The following CCDC178 variants were observed in gnomAD, a reference collection of about 807,000 sequenced individuals.
CCDC178 encodes coiled-coil domain-containing protein 178.
In CCDC178, 126 loss-of-function variants were observed where a neutral mutation model predicts 117.4. The observed-to-expected ratio is 1.07, with a 90% CI of 0.93 to 1.24. The LOEUF (loss-of-function observed/expected upper bound fraction) is 1.24, where lower values mean the gene tolerates loss of function less well. Among genes scored for constraint, CCDC178 ranks in the 50% most tolerant of loss-of-function variants. The pLI, the probability that CCDC178 is intolerant of heterozygous loss-of-function variation, is 0.00. For missense variants in CCDC178, 1,030 were observed against 986.9 expected (o/e 1.04, Z -0.59); for synonymous variants, 283 against 313.4 (o/e 0.90, Z 1.02).
At position 33,328,082 on chromosome 18, in the gene CCDC178, G is replaced by GTTT. The variant is rs2062609334; in HGVS notation, c.880-4450_880-4449insAAA. On this transcript the variant is annotated intron_variant, in intron 10 of 22. Transcript: ENST00000383096. ...CCAAGGTCATAAAGATTTATCCCTAGATTTTTTTTTTTTTTTTTTTTTTTT... is the reference window on the plus strand; with the variant it reads ...CCAAGGTCATAAAGATTTATCCCTAGTTTATTTTTTTTTTTTTTTTTTTTTTTT... The GTTT allele has an allele frequency of 2.4e-4, 61 of 249,130 alleles. 12 individuals carry two copies. The highest frequency in any genetic ancestry group is 1.9e-3 in the African/African-American group (57 of 30,468). The allele number at this position is 249,130 out of a possible 1,614,324, so 15.4% of individuals were successfully genotyped here. A position where few individuals can be genotyped will look rare whatever the true frequency, so the allele number is the denominator to read the frequency against.
intron 8 of CCDC178, among the ~76,000 whole-genome samples, chr18:33,347,865 TTTC>T (rs1267380288): frequency 1.3e-5 from 2 of 152,012 alleles, no homozygotes; most frequent in African/African-American, 4.8e-5. Context: ...CTCATTTTTT[TTTC>T]TTGAGTGCCA....
intron 21 of CCDC178, among the ~76,000 whole-genome samples, chr18:33,029,637 T>C (rs1598805581): frequency 6.6e-6 from 1 of 152,136 alleles, no homozygotes; most frequent in East Asian, 1.9e-4. Context: ...TTTACAGCTA[T>C]AAATTTTGCT....
chr18:33,005,509 A>C (rs2055728468), intron 21 of CCDC178, among the ~76,000 whole-genome samples: 1 of 152,114 alleles, frequency 6.6e-6, no homozygotes, highest in African/African-American at 2.4e-5. Context: ...TGGGTATAAA[A>C]ATATAGTTAG....
At chr18:33,170,606 GA>G (rs2058586696) in intron 20 of CCDC178, among the ~76,000 whole-genome samples, 1 of 151,794 alleles carries the variant, frequency 6.6e-6, no homozygotes, top group African/African-American at 2.4e-5. Context: ...TTGGTTAATA[GA>G]AAAATAATGA....
chr18:32,988,564 A>G (rs1190325299), intron 21 of CCDC178, among the ~76,000 whole-genome samples: 1 of 152,178 alleles, frequency 6.6e-6, no homozygotes, highest in African/African-American at 2.4e-5. Flanking sequence ...ATATTAGAAA[A>G]GACAAAATGT....
intron 21 of CCDC178, among the ~76,000 whole-genome samples, chr18:33,046,728 G>T (rs2056649851): frequency 6.6e-6 from 1 of 152,142 alleles, no homozygotes; most frequent in Non-Finnish European, 1.5e-5. Flanking sequence ...CTGCTCTCCA[G>T]CCTCCTTGAG....
chr18:33,205,546 A>T (rs1285807115), intron 20 of CCDC178, among the ~76,000 whole-genome samples: 6 of 152,228 alleles, frequency 3.9e-5, no homozygotes, highest in Non-Finnish European at 8.8e-5. Context: ...ACAAGTAGGA[A>T]ATTCAACACA....
intron 22 of CCDC178, among the ~76,000 whole-genome samples, chr18:32,945,556 T>C (rs2054326145): frequency 6.6e-6 from 1 of 152,178 alleles, no homozygotes; most frequent in African/African-American, 2.4e-5. Context: ...AACTAAGGTG[T>C]TTCAGCTCAA....
chr18:33,051,156 T>A (rs1819961264), intron 21 of CCDC178, among the ~76,000 whole-genome samples: 1 of 152,022 alleles, frequency 6.6e-6, no homozygotes, highest in African/African-American at 2.4e-5. Flanking sequence ...CAGGTGATCC[T>A]CCTGCCTCGG....
intron 20 of CCDC178, among the ~76,000 whole-genome samples, chr18:33,121,316 A>G (rs886956731): frequency 6.6e-6 from 1 of 152,168 alleles, no homozygotes; most frequent in Non-Finnish European, 1.5e-5. Context: ...CAATAGCTTC[A>G]GCTTGTGCCC....
intron 22 of CCDC178, among the ~76,000 whole-genome samples, chr18:32,959,046 T>TA (rs1355499690): frequency 3.9e-5 from 6 of 152,154 alleles, no homozygotes; most frequent in African/African-American, 1.4e-4. Flanking sequence ...AGAGGTTTGT[T>TA]ACAATTATCA....
chr18:33,091,702 G>A (rs1444573253), intron 21 of CCDC178, among the ~76,000 whole-genome samples: 1 of 152,108 alleles, frequency 6.6e-6, no homozygotes, highest in Non-Finnish European at 1.5e-5. Flanking sequence ...TAACTCTCAT[G>A]AGAGTAGACG....
Position 33,117,529 on chromosome 18 carries a change from T to C in CCDC178, c.2239-24619A>G, listed in dbSNP as rs149357360. 3.4e-3 allele frequency among the ~76,000 whole-genome samples: 518 copies of C among 151,962 alleles called. 6 individuals carry two copies. The highest frequency in any genetic ancestry group is 0.012 in the African/African-American group (482 of 41,460). On this transcript the variant is annotated intron_variant, in intron 20 of 22. Coordinates refer to ENST00000383096, the MANE Select transcript of CCDC178 (RefSeq NM_001105528.4). ...TGATTACACTAAACTGCTTCGTTTA[T>C]TGGACACAGGAAGGGGAACATCACA...
chr18:33,088,120 T>C (rs966779598), intron 21 of CCDC178, among the ~76,000 whole-genome samples: 3 of 152,184 alleles, frequency 2.0e-5, no homozygotes, highest in Middle Eastern at 3.4e-3. Context: ...AAGAATCTCC[T>C]GGACTCGAGA....
chr18:33,371,782 T>TACACACACACACAC (rs769582307), intron 5 of CCDC178, among the ~76,000 whole-genome samples: 15 of 53,562 alleles, frequency 2.8e-4, no homozygotes, highest in African/African-American at 7.6e-4. Context: ...CATAAACATA[T>TACACACACACACAC]ATACACACAC....
At chr18:32,982,969 G>GATGATGTGTCA (rs2055182431) in intron 21 of CCDC178, among the ~76,000 whole-genome samples, 1 of 152,000 alleles carries the variant, frequency 6.6e-6, no homozygotes. Context: ...TTGGAGTGAT[G>GATGATGTGTCA]ATGATGTGTC....
chr18:33,021,849 G>GTATCCTTTATATTTTT (rs2056126096), intron 21 of CCDC178, among the ~76,000 whole-genome samples: 1 of 152,006 alleles, frequency 6.6e-6, no homozygotes, highest in Admixed American at 6.6e-5. Flanking sequence ...GCCTCTTAGT[G>GTATCCTTTATATTTTT]GTGGCTTCCT....
At position 33,085,014 on chromosome 18, in the gene CCDC178, T is replaced by C. The variant is rs184398217; in HGVS notation, c.2388+7747A>G. On this transcript the variant is annotated intron_variant, in intron 21 of 22. Transcript: ENST00000383096. ...TTAGGGCCTCTGCATGTTTTTCTAA[T>C]GGATTATCATAATGTCTCTACTACT... Among the ~76,000 whole-genome samples, 18 of 152,242 alleles carry C rather than the reference T, an allele frequency of 1.2e-4. No homozygotes were observed. The East Asian group carries it at 3.5e-3, about 29-fold the overall frequency.
At chr18:33,120,807 A>G (rs1258862639) in intron 20 of CCDC178, among the ~76,000 whole-genome samples, 4 of 152,158 alleles carry the variant, frequency 2.6e-5, no homozygotes, top group Non-Finnish European at 5.9e-5. Flanking sequence ...AACATGATAT[A>G]TAACTTTATT....
Sources: allele counts gnomAD v4.1 joint callset (sites outside exome capture counted in the v4.1 genomes callset), GRCh38; gene constraint gnomAD v4.1.1; transcripts MANE v1.5; gene names NCBI Gene and HGNC (gene_info 2026-07-23, HGNC 2026-07-21).